The following ZNF385D variants were observed in gnomAD, a reference collection of about 807,000 sequenced individuals.
ZNF385D encodes the protein zinc finger protein 659.
ZNF385D carries 15 observed loss-of-function variants against 35.8 expected under a neutral mutation model. The observed-to-expected ratio is 0.42, with a 90% CI of 0.28 to 0.64. The LOEUF is 0.64. ZNF385D is among the 30% of genes least tolerant of loss of function. The probability of loss-of-function intolerance (pLI) is 0.23; values close to 1 mark genes in which losing one functional copy is unlikely to be tolerated. For synonymous variants in ZNF385D, 212 were observed against 186.8 expected, an observed-to-expected ratio of 1.13 and a Z score of -1.10; for missense variants, 474 against 494.6, an observed-to-expected ratio of 0.96 and a Z score of 0.39.
intron 1 of ZNF385D, among the ~76,000 whole-genome samples, chr3:21,707,448 A>T (rs935718065): frequency 3.3e-5 from 5 of 152,186 alleles, no homozygotes; most frequent in African/African-American, 1.2e-4. Flanking sequence ...AGCAATTGTC[A>T]ATGCAGATCA....
At chr3:22,025,905 T>A (rs1021230452) in intron 3 of ZNF385D, among the ~76,000 whole-genome samples, 1 of 152,166 alleles carries the variant, frequency 6.6e-6, no homozygotes, top group Non-Finnish European at 1.5e-5. Context: ...GTCATTCAAC[T>A]ACAAAATGTA....
intron 2 of ZNF385D, among the ~76,000 whole-genome samples, chr3:21,659,333 A>G (rs1177575908): frequency 1.3e-5 from 2 of 152,178 alleles, no homozygotes; most frequent in Non-Finnish European, 2.9e-5. Context: ...AAAAGTTTGT[A>G]AAAGGAAGAA....
chr3:22,028,841 T>A (rs1697731756), intron 3 of ZNF385D, among the ~76,000 whole-genome samples: 1 of 152,176 alleles, frequency 6.6e-6, no homozygotes, highest in East Asian at 1.9e-4. Context: ...CCTTTGGAAG[T>A]CACAAATACA....
intron 2 of ZNF385D, among the ~76,000 whole-genome samples, chr3:22,362,258 A>G (rs1412996324): frequency 6.6e-6 from 1 of 151,934 alleles, no homozygotes; most frequent in Non-Finnish European, 1.5e-5. Context: ...AACTCTAAGT[A>G]TCATCTCTTC....
intron 3 of ZNF385D, among the ~76,000 whole-genome samples, chr3:22,132,775 G>A (rs1703877440): frequency 6.6e-6 from 1 of 151,710 alleles, no homozygotes; most frequent in African/African-American, 2.4e-5. Flanking sequence ...TATCTAAAAG[G>A]CACTAAAAGT....
chr3:22,369,807 C>T (rs760459522), intron 2 of ZNF385D, among the ~76,000 whole-genome samples: 13 of 152,030 alleles, frequency 8.6e-5, no homozygotes, highest in Admixed American at 3.3e-4. Context: ...CTTTTAAAAC[C>T]TCAAAATCTT....
At chr3:21,620,087 G>A (rs1575334935) in intron 2 of ZNF385D, among the ~76,000 whole-genome samples, 1 of 152,274 alleles carries the variant, frequency 6.6e-6, no homozygotes, top group African/African-American at 2.4e-5. Context: ...AATTAACACT[G>A]TAGGTATTCA....
At chr3:22,011,276 T>C (rs889301443) in intron 3 of ZNF385D, among the ~76,000 whole-genome samples, 2 of 152,130 alleles carry the variant, frequency 1.3e-5, no homozygotes, top group Admixed American at 6.5e-5. Flanking sequence ...TTTTAAAATA[T>C]CTAAAATATT....
intron 2 of ZNF385D, among the ~76,000 whole-genome samples, chr3:22,271,372 A>G (rs1229242498): frequency 1.3e-5 from 2 of 152,012 alleles, no homozygotes; most frequent in Non-Finnish European, 2.9e-5. Context: ...TTATTCAAAA[A>G]GGGTTGTCTA....
intron 3 of ZNF385D, among the ~76,000 whole-genome samples, chr3:22,013,157 T>C (rs892612997): frequency 1.3e-5 from 2 of 152,120 alleles, no homozygotes; most frequent in African/African-American, 4.8e-5. Context: ...TTAAGATCTA[T>C]AAAAATGTGT....
intron 3 of ZNF385D, among the ~76,000 whole-genome samples, chr3:21,802,971 G>C (rs1043229914): frequency 6.6e-6 from 1 of 152,182 alleles, no homozygotes; most frequent in Non-Finnish European, 1.5e-5. Flanking sequence ...AGAAGAACGA[G>C]TGGAAATTTG....
intron 1 of ZNF385D, among the ~76,000 whole-genome samples, chr3:21,676,495 T>C (rs1376710771): frequency 6.6e-6 from 1 of 152,088 alleles, no homozygotes; most frequent in Non-Finnish European, 1.5e-5. Context: ...AAGGATTTAC[T>C]TTAAATGGAA....
rs573818320 is a variant in ZNF385D, at chr3:21,474,046, G to A, written c.439+36815C>T. 3.3e-5 allele frequency among the ~76,000 whole-genome samples: 5 copies of A among 151,850 alleles called. No homozygotes were observed. The South Asian group carries it at 8.3e-4, about 25-fold the overall frequency. ...TATATATGTATCTTATATATTATAA[G>A]TTCATCCATTAAGTTGTGAGGCACT... On this transcript the variant is annotated intron_variant, in intron 4 of 7. Transcript: ENST00000281523.
At chr3:21,751,465 G>C (rs978867488), upstream of ZNF385D, 1 of 985,722 alleles carries the variant, frequency 1.0e-6, no homozygotes, top group African/African-American at 1.7e-5. Context: ...GGCGAGTTCT[G>C]CCATTAACGT....
chr3:22,286,196 T>TTAA (rs1213119819), intron 2 of ZNF385D, among the ~76,000 whole-genome samples: 17 of 152,170 alleles, frequency 1.1e-4, no homozygotes, highest in Admixed American at 9.8e-4. Flanking sequence ...TTGGGTTTAA[T>TTAA]ATTTAAATAA....
rs1221256392 is a variant in ZNF385D, at chr3:21,829,516, G to T, written c.326-164488C>A. Among the ~76,000 whole-genome samples, 5 of 152,164 alleles carry T rather than the reference G, an allele frequency of 3.3e-5. No homozygotes were observed. The South Asian group carries it at 1.0e-3, about 32-fold the overall frequency. ...ACTTTTGTGCAGGTCATGATAAAAAGCTTGAATTTTATCCAAATTAGAAGA... is the reference window on the plus strand; with the variant it reads ...ACTTTTGTGCAGGTCATGATAAAAATCTTGAATTTTATCCAAATTAGAAGA... On this transcript the variant is annotated intron_variant, in intron 3 of 5. Transcript: ENST00000494108.
At chr3:22,152,236 T>C (rs1438741118) in intron 3 of ZNF385D, among the ~76,000 whole-genome samples, 1 of 152,178 alleles carries the variant, frequency 6.6e-6, no homozygotes, top group Non-Finnish European at 1.5e-5. Context: ...TGGGTAATAC[T>C]TTCAGACAAA....
intron 3 of ZNF385D, among the ~76,000 whole-genome samples, chr3:21,830,687 C>T (rs1694935444): frequency 6.6e-6 from 1 of 151,238 alleles, no homozygotes; most frequent in Admixed American, 6.6e-5. Context: ...CGGAATGTGC[C>T]TGTCAAATGT....
intron 2 of ZNF385D, among the ~76,000 whole-genome samples, chr3:22,175,073 T>G (rs943867745): frequency 4.1e-5 from 4 of 97,114 alleles, no homozygotes; most frequent in Non-Finnish European, 9.1e-5. Context: ...TGGGAAGATA[T>G]CAGTCTAGTC....
Sources: allele counts gnomAD v4.1 joint callset (sites outside exome capture counted in the v4.1 genomes callset), GRCh38; gene constraint gnomAD v4.1.1; transcripts MANE v1.5; gene names NCBI Gene and HGNC (gene_info 2026-07-23, HGNC 2026-07-21).